OTOA: variants seen among roughly 807,000 people sequenced by gnomAD.
The protein encoded by OTOA is cancer/testis antigen 108.
OTOA carries 70 observed loss-of-function variants against 110.8 expected under a neutral mutation model. The ratio of observed to expected loss-of-function variants is 0.63; its 90% confidence interval spans 0.52 to 0.77. The LOEUF (loss-of-function observed/expected upper bound fraction) is 0.77, where lower values mean the gene tolerates loss of function less well. Among genes scored for constraint, OTOA ranks in the 30% least tolerant of loss-of-function variants. The pLI is 0.00. For synonymous variants in OTOA, 373 were observed against 431.5 expected (o/e 0.86, Z 1.68); for missense variants, 917 against 1,075.8 (o/e 0.85, Z 2.06).
intron 1 of OTOA, among the ~76,000 whole-genome samples, chr16:21,673,239 T>C (rs868686984): frequency 1.3e-5 from 2 of 152,196 alleles, no homozygotes; most frequent in African/African-American, 4.8e-5. Flanking sequence ...GTTTCCCCCA[T>C]TGGTTACATG....
chr16:21,675,483 AC>A (rs1966856097), intron 1 of OTOA, among the ~76,000 whole-genome samples: 1 of 150,070 alleles, frequency 6.7e-6, no homozygotes, highest in Non-Finnish European at 1.5e-5. Flanking sequence ...TTTTTGTGCC[AC>A]CCCCTCCTTT....
chr16:21,687,512 T>G lies in OTOA; in HGVS notation c.499T>G (p.Cys167Gly). The change falls in exon 8 of 29, where the codon TGT (cysteine) becomes GGT (glycine). Residue 167 changes from cysteine (C) to glycine (G), a missense_variant. By Grantham distance (159) the Cys-to-Gly change is radical. Coordinates refer to ENST00000646100, the MANE Select transcript of OTOA (RefSeq NM_144672.4). The stretch of plus-strand genomic sequence containing the variant: ...CCTGTTTCTCATCACACTGGAGAGG[T>G]GTTTCCAGATGCTGAACTCCCTGGA... ...RSLFLITLER[C>G]FQMLNSLECV... is the part of the protein sequence containing the mutation. 6.2e-7 allele frequency: 1 copy of G among 1,613,732 alleles called. No individual in the cohort carries two copies. Among genetic ancestry groups the G allele is most frequent in the Non-Finnish European group, 8.5e-7 (1 of 1,179,934 alleles).
At chr16:21,704,705 C>G (rs1008160039) in intron 11 of OTOA, among the ~76,000 whole-genome samples, 2 of 152,230 alleles carry the variant, frequency 1.3e-5, no homozygotes, top group Middle Eastern at 3.4e-3. Flanking sequence ...CACTGAAGCA[C>G]TAGGTTTTTG....
intron 1 of OTOA, among the ~76,000 whole-genome samples, chr16:21,665,964 A>G (rs1189394834): frequency 6.6e-6 from 1 of 151,982 alleles, no homozygotes; most frequent in Non-Finnish European, 1.5e-5. Flanking sequence ...CTGAGTAGCT[A>G]GGGCTACAAG....
rs3054190 is a variant in OTOA, at chr16:21,672,622, CAA to C, written c.-4-5873_-4-5872del. On this transcript the variant is annotated intron_variant, in intron 1 of 28. Coordinates refer to ENST00000646100, the MANE Select transcript of OTOA (RefSeq NM_144672.4). ...TGGGTGACAGAGTGAGACTCCATCT[CAA>C]AAAAAAAAAAAAAAATTGACATATA... Among the ~76,000 whole-genome samples the C allele has an allele frequency of 4.6e-4, 42 of 92,052 alleles. No homozygotes were observed. The South Asian group carries it at 8.2e-3, about 18-fold the overall frequency. The allele number at this position is 92,052 out of a possible 152,430, so 60.4% of individuals were successfully genotyped here.
intron 13 of OTOA, among the ~76,000 whole-genome samples, chr16:21,712,772 G>A (rs2141692807): frequency 6.6e-6 from 1 of 152,214 alleles, no homozygotes; most frequent in South Asian, 2.1e-4. Context: ...GTGAACCTGG[G>A]AGGCGGTGCT....
At chr16:21,673,846 G>A (rs1433803135) in intron 1 of OTOA, among the ~76,000 whole-genome samples, 1 of 152,186 alleles carries the variant, frequency 6.6e-6, no homozygotes, top group African/African-American at 2.4e-5. Context: ...CTGGAATGCA[G>A]TGGCGTGATC....
At chr16:21,713,687 C>T (rs1449778502) in intron 13 of OTOA, among the ~76,000 whole-genome samples, 1 of 152,158 alleles carries the variant, frequency 6.6e-6, no homozygotes, top group Non-Finnish European at 1.5e-5. Context: ...GGCCTCAGAG[C>T]CATCTTGTTT....
At chr16:21,709,438 GA>G (rs199771535) in intron 12 of OTOA, among the ~76,000 whole-genome samples, 1,665 of 137,672 alleles carry the variant, frequency 0.012, 33 homozygotes, top group East Asian at 0.055. Flanking sequence ...TCTGTCTTAA[GA>G]AAAAAAAAAA....
intron 15 of OTOA, 52 bp downstream of exon 15, chr16:21,717,099 G>C (rs753452008): frequency 5.6e-6 from 9 of 1,604,692 alleles, no homozygotes; most frequent in Admixed American, 1.7e-5. Context: ...TCTGTCTTGT[G>C]AGAATGAATG....
At chr16:21,744,451 T>G (rs1899592458) in intron 23 of OTOA, among the ~76,000 whole-genome samples, 1 of 135,934 alleles carries the variant, frequency 7.4e-6, no homozygotes, top group Non-Finnish European at 1.6e-5. Context: ...CTAGCCTCCT[T>G]ATGTCTATTT....
At chr16:21,711,461 T>C (rs530357639) in intron 13 of OTOA, among the ~76,000 whole-genome samples, 2 of 152,138 alleles carry the variant, frequency 1.3e-5, no homozygotes, top group African/African-American at 4.8e-5. Context: ...GTTCTAAGCA[T>C]TTTGGTGTCA....
chr16:21,717,158 A>G (rs904553566), intron 15 of OTOA, 111 bp downstream of exon 15: 2 of 1,444,562 alleles, frequency 1.4e-6, no homozygotes, highest in African/African-American at 2.8e-5. Flanking sequence ...CTGTGGGATT[A>G]GTATAGGAGG....
intron 5 of OTOA, among the ~76,000 whole-genome samples, chr16:21,680,287 G>A (rs1247832187): frequency 6.6e-6 from 1 of 152,140 alleles, no homozygotes; most frequent in African/African-American, 2.4e-5. Context: ...GCCAAGGTGG[G>A]CGGATCATGA....
At chr16:21,691,506 A>C in intron 8 of OTOA, 78 bp from the exon 9 acceptor site, 3 of 1,208,922 alleles carry the variant, frequency 2.5e-6, no homozygotes, top group Non-Finnish European at 3.6e-6. Flanking sequence ...TTTGGGTCAC[A>C]TTTGCTGTTG....
chr16:21,691,501 G>C lies in OTOA; in HGVS notation c.636-83G>C, dbSNP rs868243909. On this transcript the variant is annotated intron_variant, in intron 8 of 28. Coordinates refer to ENST00000646100, the MANE Select transcript of OTOA (RefSeq NM_144672.4). ...GGGTTTTAACACAAGACAGCTTTGGGTCACATTTGCTGTTGTGACTCCCTT... is the reference window on the plus strand; with the variant it reads ...GGGTTTTAACACAAGACAGCTTTGGCTCACATTTGCTGTTGTGACTCCCTT... The C allele has an allele frequency of 2.7e-5, 31 of 1,146,736 alleles. 2 individuals are homozygous for C. In the Middle Eastern group the frequency reaches 7.0e-4, roughly 26 times the overall value. 71.0% of individuals were successfully genotyped at this position (1,146,736 alleles called of 1,614,324 possible). A position where few individuals can be genotyped will look rare whatever the true frequency, so the allele number is the denominator to read the frequency against.
chr16:21,708,508 C>A (rs1898260490), intron 12 of OTOA, among the ~76,000 whole-genome samples: 1 of 152,150 alleles, frequency 6.6e-6, no homozygotes, highest in South Asian at 2.1e-4. Flanking sequence ...GGTCCGGGAG[C>A]AGCCTGGCAA....
chr16:21,719,957 CTT>C (rs761325846), intron 17 of OTOA, among the ~76,000 whole-genome samples: 33 of 136,396 alleles, frequency 2.4e-4, no homozygotes, highest in Admixed American at 4.4e-4. Flanking sequence ...TAACTGATTT[CTT>C]TTTTTTTTTT....
At chr16:21,719,927 T>G (rs1210699102) in intron 17 of OTOA, among the ~76,000 whole-genome samples, 1 of 152,038 alleles carries the variant, frequency 6.6e-6, no homozygotes, top group Non-Finnish European at 1.5e-5. Flanking sequence ...CTATTTAACC[T>G]TTGGGGAGAC....
Sources: gnomAD v4.1 joint callset for allele counts (sites outside exome capture counted in the v4.1 genomes callset) on GRCh38, gnomAD v4.1.1 for gene constraint, MANE v1.5 for transcripts, NCBI Gene and HGNC (gene_info 2026-07-23, HGNC 2026-07-21) for gene names.